The following KCNG4 variants were observed in gnomAD, a reference collection of about 807,000 sequenced individuals.
The protein encoded by KCNG4 is voltage-gated potassium channel regulatory subunit KCNG4.
Under a neutral mutation model 28.2 loss-of-function variants are expected in KCNG4, and 30 were observed. The ratio of observed to expected loss-of-function variants is 1.06; its 90% CI spans 0.80 to 1.44. The LOEUF is 1.44. Among genes scored for constraint, KCNG4 ranks in the 40% most tolerant of loss-of-function variants. The probability of loss-of-function intolerance (pLI) is 0.00; values close to 1 mark genes in which losing one functional copy is unlikely to be tolerated. For synonymous variants in KCNG4, 375 were observed against 315.5 expected, an observed-to-expected ratio of 1.19 and a Z score of -2.00; for missense variants, 879 against 712.3, an observed-to-expected ratio of 1.23 and a Z score of -2.66.
Position 84,236,776 on chromosome 16 carries a change from C to G in KCNG4, c.710G>C (p.Ser237Thr). 6.2e-7 allele frequency: 1 copy of G among 1,613,742 alleles called. No individual in the cohort carries two copies. Among genetic ancestry groups the G allele is most frequent in the Non-Finnish European group, 8.5e-7 (1 of 1,180,016 alleles). ...SILFVATTAV[S>T]LCVSTMPDLR... ...GTCGGGCATGGTGCTGACACACAGG[C>G]TGACGGCTGTGGTGGCCACGAAGAG... Residue 237 changes from serine (S) to threonine (T), a missense_variant, in exon 2 of 3, where the codon AGC becomes ACC. By Grantham distance (58) the Ser-to-Thr change is moderately conservative. Coordinates refer to ENST00000308251, the MANE Select transcript of KCNG4 (RefSeq NM_172347.3).
intron 2 of KCNG4, among the ~76,000 whole-genome samples, chr16:84,225,149 A>G (rs979422707): frequency 6.6e-5 from 10 of 151,992 alleles, no homozygotes; most frequent in Admixed American, 1.3e-4. Context: ...GTGTAAGGGT[A>G]GCAATACCTT....
chr16:84,237,868 G>C (rs955169867), intron 1 of KCNG4, among the ~76,000 whole-genome samples: 7 of 152,122 alleles, frequency 4.6e-5, no homozygotes, highest in African/African-American at 1.2e-4. Context: ...CAGGTATGTG[G>C]CTTAACCTCT....
In KCNG4 at chr16:84,218,998, T is replaced by G. The variant is rs1213719422; in HGVS notation, c.*3219A>C. On this transcript the variant is annotated 3_prime_UTR_variant, in exon 3 of 3. Transcript: ENST00000308251. ...CTTCGATGAGAAGGCAGGGCAGATG[T>G]GGGGGCTGATGTGGGTCCCAGACCT... 6.6e-6 allele frequency: 1 copy of G among 152,248 alleles called. No individual in the cohort carries two copies. 9.4% of individuals were successfully genotyped at this position (152,248 alleles called of 1,614,324 possible). A position where few individuals can be genotyped will look rare whatever the true frequency, so the allele number is the denominator to read the frequency against.
At chr16:84,238,008 A>C (rs1172675705) in intron 1 of KCNG4, among the ~76,000 whole-genome samples, 1 of 152,222 alleles carries the variant, frequency 6.6e-6, no homozygotes, top group Non-Finnish European at 1.5e-5. Flanking sequence ...ACAGACTGCC[A>C]GCACAGGTGG....
At chr16:84,230,297 C>T (rs899038639) in intron 2 of KCNG4, among the ~76,000 whole-genome samples, 6 of 147,734 alleles carry the variant, frequency 4.1e-5, no homozygotes, top group South Asian at 2.2e-4. Context: ...TCCAGCTACT[C>T]GGGAGGCTGA....
chr16:84,221,498 A>C lies in KCNG4; in HGVS notation c.*719T>G, dbSNP rs1904556635. On this transcript the variant is annotated 3_prime_UTR_variant, in exon 3 of 3. Transcript: ENST00000308251. ...AGTTTCTGCCCAGGTCCCAGGTCCC[A>C]GGTCCCAGGTCACAGATCCCAGGCA... 1 of 150,464 alleles carries C rather than the reference A, an allele frequency of 6.6e-6. No homozygotes were observed. Among genetic ancestry groups the C allele is most frequent in the Non-Finnish European group, 1.5e-5 (1 of 68,034 alleles). 9.3% of individuals were successfully genotyped at this position (150,464 alleles called of 1,614,324 possible).
chr16:84,226,154 T>G lies in KCNG4; in HGVS notation c.757-3134A>C, dbSNP rs916190665. Among the ~76,000 whole-genome samples the G allele has an allele frequency of 3.3e-5, 5 of 152,152 alleles. No homozygotes were observed. Among genetic ancestry groups the G allele is most frequent in the Admixed American group, 6.5e-5 (1 of 15,272 alleles). On this transcript the variant is annotated intron_variant, in intron 2 of 2. Transcript: ENST00000308251. This position sits in a 1 kb window ranked among gnomAD's most constrained non-coding sequence, Gnocchi z 4.1. ...CAGGCAGAGCGAGGTGTGTTCTGGC[T>G]CCTTCCTGCAATGAAGAAGAGCAAG...
chr16:84,229,231 G>A (rs1904769324), intron 2 of KCNG4, among the ~76,000 whole-genome samples: 1 of 151,794 alleles, frequency 6.6e-6, no homozygotes, highest in Non-Finnish European at 1.5e-5. Flanking sequence ...CCAGGAGGTT[G>A]GAGGAGAGCC....
intron 2 of KCNG4, among the ~76,000 whole-genome samples, chr16:84,230,266 A>T (rs371515415): frequency 6.6e-6 from 1 of 152,074 alleles, no homozygotes; most frequent in Non-Finnish European, 1.5e-5. Context: ...TTAGCTGGGC[A>T]TGGTGGTGGG....
At chr16:84,227,050 A>T (rs906985398) in intron 2 of KCNG4, among the ~76,000 whole-genome samples, 2 of 152,208 alleles carry the variant, frequency 1.3e-5, no homozygotes, top group African/African-American at 2.4e-5. Context: ...ACAATAAGAC[A>T]CAAATTGACA....
Position 84,219,484 on chromosome 16 carries a change from T to A in KCNG4, c.*2733A>T, listed in dbSNP as rs1904504320. The A allele has an allele frequency of 6.6e-6, 1 of 152,252 alleles. No individual in the cohort carries two copies. The highest frequency in any genetic ancestry group is 2.4e-5 in the African/African-American group (1 of 41,456). 9.4% of individuals were successfully genotyped at this position (152,252 alleles called of 1,614,324 possible). A position where few individuals can be genotyped will look rare whatever the true frequency, so the allele number is the denominator to read the frequency against. ...TGGCTCACGCCTGTAATCCCAGCACTTTGGGAGGCCGAGGCGGGCGGATCA... is the reference window on the plus strand; with the variant it reads ...TGGCTCACGCCTGTAATCCCAGCACATTGGGAGGCCGAGGCGGGCGGATCA... On this transcript the variant is annotated 3_prime_UTR_variant, in exon 3 of 3. Transcript: ENST00000308251.
intron 2 of KCNG4, among the ~76,000 whole-genome samples, chr16:84,233,596 TG>T (rs1204691758): frequency 1.3e-5 from 2 of 151,892 alleles, no homozygotes; most frequent in African/African-American, 2.4e-5. Context: ...CCCAGCTACC[TG>T]GGGGGTTGAG....
rs529244677 is a variant in KCNG4 at position 84,227,172 on chromosome 16, G to C, written c.757-4152C>G. 1.1e-3 allele frequency among the ~76,000 whole-genome samples: 168 copies of C among 152,326 alleles called. 2 individuals carry two copies. The highest frequency in any genetic ancestry group is 4.1e-3 in the Admixed American group (62 of 15,304). On this transcript the variant is annotated intron_variant, in intron 2 of 2. Coordinates refer to ENST00000308251, the MANE Select transcript of KCNG4 (RefSeq NM_172347.3). ...GGGGATGTAAAATGGGGCAGCGGCA[G>C]TGGAAACAGTTTGGCAGGTCCTCAA...
In KCNG4 at chr16:84,227,014, TA is replaced by T. The variant is rs929246516; in HGVS notation, c.757-3995del. Among the ~76,000 whole-genome samples the T allele has an allele frequency of 9.5e-4, 138 of 145,150 alleles. 1 individual carries two copies. In the Middle Eastern group the frequency reaches 0.014, roughly 15 times the overall value. ...TCTGAAGTTCTCCATGATGAAAAGTTAAAAAAAAAAAGGATAATCAAAAGCA... is the reference window on the plus strand; with the variant it reads ...TCTGAAGTTCTCCATGATGAAAAGTTAAAAAAAAAAGGATAATCAAAAGCA... On this transcript the variant is annotated intron_variant, in intron 2 of 2. Coordinates refer to ENST00000308251, the MANE Select transcript of KCNG4 (RefSeq NM_172347.3).
chr16:84,222,968 A>G lies in KCNG4; in HGVS notation c.809T>C (p.Val270Ala), dbSNP rs1164528050. The change falls in exon 3 of 3, where the codon GTG becomes GCG. Residue 270 changes from valine (V) to alanine (A), a missense_variant. Transcript: ENST00000308251. Reference sequence around the variant, plus strand: ...GCAGAACTCCAGGGAGAACCAGGCCACGCAGATGGTCTCCACGATGAAAAT... The same window carrying G: ...GCAGAACTCCAGGGAGAACCAGGCCGCGCAGATGGTCTCCACGATGAAAAT... Reference protein sequence around the residue: ...YYIFIVETICVAWFSLEFCLR... With the variant: ...YYIFIVETICAAWFSLEFCLR... 2.6e-6 allele frequency: 4 copies of G among 1,560,138 alleles called. No homozygotes were observed. Among genetic ancestry groups the G allele is most frequent in the Non-Finnish European group, 3.5e-6 (4 of 1,152,402 alleles).
In KCNG4 at chr16:84,222,216, G is replaced by C; in HGVS notation, c.*1C>G. 1 of 1,613,898 alleles carries C rather than the reference G, an allele frequency of 6.2e-7. No individual in the cohort carries two copies. Among genetic ancestry groups the C allele is most frequent in the African/African-American group, 1.3e-5 (1 of 75,044 alleles). On this transcript the variant is annotated 3_prime_UTR_variant, in exon 3 of 3. Coordinates refer to ENST00000308251, the MANE Select transcript of KCNG4 (RefSeq NM_172347.3). ...ACCATGTAGTCATGGGGGGTGCTGAGTTACATGTGCATGATAGGCAAGGCT... is the reference window on the plus strand; with the variant it reads ...ACCATGTAGTCATGGGGGGTGCTGACTTACATGTGCATGATAGGCAAGGCT...
rs61743417 is a variant in KCNG4, at chr16:84,237,044, C to T, written c.442G>A (p.Ala148Thr). Residue 148 changes from alanine to threonine, a missense_variant, in exon 2 of 3, where the codon GCC becomes ACC. Coordinates refer to ENST00000308251, the MANE Select transcript of KCNG4 (RefSeq NM_172347.3). ...TGGGCCTCCTCGATGCCCCAGTAGG[C>T]CAGCTCCTCCTGGAAGGACAGCGCG... Reference protein sequence around the residue: ...MCALSFQEELAYWGIEEAHLE... With the variant: ...MCALSFQEELTYWGIEEAHLE... 7,086 of 1,614,018 alleles carry T rather than the reference C, an allele frequency of 4.4e-3. 284 individuals are homozygous for T. In the African/African-American group the frequency reaches 0.084, roughly 19 times the overall value.
At position 84,236,935 on chromosome 16, in the gene KCNG4, A is replaced by G. The variant is rs577757086; in HGVS notation, c.551T>C (p.Leu184Pro). The change falls in exon 2 of 3, where the codon CTG becomes CCG. Residue 184 changes from leucine to proline, a missense_variant. Leu to Pro is a moderately conservative substitution (Grantham distance 98). Coordinates refer to ENST00000308251, the MANE Select transcript of KCNG4 (RefSeq NM_172347.3). Reference protein sequence around the residue: ...ELAKLHREDVLRQQRETRRPA... With the variant: ...ELAKLHREDVPRQQRETRRPA... ...GCGGCGGGTCTCCCTCTGCTGCCTC[A>G]GTACGTCCTCCCTGTGCAGCTTGGC... The G allele has an allele frequency of 5.0e-6, 8 of 1,613,634 alleles. No homozygotes were observed. The African/African-American group carries it at 5.3e-5, about 11-fold the overall frequency.
At chr16:84,224,619 G>A (rs1904656323) in intron 2 of KCNG4, among the ~76,000 whole-genome samples, 2 of 152,198 alleles carry the variant, frequency 1.3e-5, no homozygotes, top group African/African-American at 4.8e-5. Context: ...GGCTGCTGGA[G>A]AAAGAGAAAG....
Sources: allele counts gnomAD v4.1 joint callset (sites outside exome capture counted in the v4.1 genomes callset), GRCh38; gene constraint gnomAD v4.1.1; non-coding constraint Gnocchi (gnomAD v3.1); transcripts MANE v1.5; gene names NCBI Gene and HGNC (gene_info 2026-07-23, HGNC 2026-07-21).